The following PCDH15 variants were observed in gnomAD, a reference collection of about 807,000 sequenced individuals.
PCDH15 encodes the protein protocadherin-15.
Under a neutral mutation model 178.5 loss-of-function variants are expected in PCDH15, and 129 were observed. The ratio of observed to expected loss-of-function variants is 0.72; its 90% CI spans 0.63 to 0.84. The LOEUF is 0.84. PCDH15 is among the 40% of genes least tolerant of loss of function. The probability of loss-of-function intolerance (pLI) is 0.00; values close to 1 mark genes in which losing one functional copy is unlikely to be tolerated. For synonymous variants in PCDH15, 800 were observed against 732.0 expected, an observed-to-expected ratio of 1.09 and a Z score of -1.50; for missense variants, 2,230 against 2,099.9, an observed-to-expected ratio of 1.06 and a Z score of -1.21.
chr10:54,270,487 G>A (rs1564832158), intron 8 of PCDH15, among the ~76,000 whole-genome samples: 2 of 152,110 alleles, frequency 1.3e-5, no homozygotes, highest in African/African-American at 2.4e-5. Flanking sequence ...ATTGAAGGAA[G>A]GTATGGGTAA....
At chr10:55,457,687 G>A (rs1010642960) in intron 2 of PCDH15, among the ~76,000 whole-genome samples, 2 of 151,982 alleles carry the variant, frequency 1.3e-5, no homozygotes, top group African/African-American at 2.4e-5. Context: ...AGGGCCCGAC[G>A]GCTTCCTTTT....
chr10:55,570,297 T>C (rs1842384249), intron 2 of PCDH15, among the ~76,000 whole-genome samples: 1 of 152,028 alleles, frequency 6.6e-6, no homozygotes, highest in Non-Finnish European at 1.5e-5. Flanking sequence ...TGACAATTTT[T>C]ACAGAGAAAA....
chr10:54,032,757 C>T (rs2093327872), intron 18 of PCDH15, among the ~76,000 whole-genome samples: 1 of 152,014 alleles, frequency 6.6e-6, no homozygotes, highest in Non-Finnish European at 1.5e-5. Flanking sequence ...TTTCACAATG[C>T]TATAAATAAC....
chr10:55,162,203 G>C (rs1233140663), intron 2 of PCDH15, among the ~76,000 whole-genome samples: 1 of 152,086 alleles, frequency 6.6e-6, no homozygotes, highest in Non-Finnish European at 1.5e-5. Flanking sequence ...AGTTCCGTTA[G>C]ATGTAGAACT....
intron 2 of PCDH15, among the ~76,000 whole-genome samples, chr10:55,051,081 T>C (rs1841149570): frequency 1.3e-5 from 2 of 152,128 alleles, no homozygotes; most frequent in South Asian, 4.1e-4. Context: ...CTTACTTTGC[T>C]TGAAATCATC....
chr10:53,807,623 A>G (rs1320223376), intron 37 of PCDH15, among the ~76,000 whole-genome samples: 1 of 152,092 alleles, frequency 6.6e-6, no homozygotes, highest in Non-Finnish European at 1.5e-5. Context: ...CTTTTGTATA[A>G]TTTAATGCAT....
chr10:54,912,254 T>A (rs1954831156), intron 2 of PCDH15, among the ~76,000 whole-genome samples: 1 of 152,094 alleles, frequency 6.6e-6, no homozygotes, highest in Non-Finnish European at 1.5e-5. Flanking sequence ...TTTATATGGC[T>A]TTAGGAAGAT....
At chr10:55,542,586 T>C (rs936516325) in intron 2 of PCDH15, among the ~76,000 whole-genome samples, 1 of 149,682 alleles carries the variant, frequency 6.7e-6, no homozygotes, top group Non-Finnish European at 1.5e-5. Flanking sequence ...TATGTATGTG[T>C]CTATATAGGT....
intron 1 of PCDH15, among the ~76,000 whole-genome samples, chr10:54,666,993 C>T (rs1001905132): frequency 4.0e-5 from 6 of 151,868 alleles, no homozygotes; most frequent in African/African-American, 1.4e-4. Context: ...GAAACAAAAC[C>T]TCTTGATCTA....
chr10:54,653,830 A>G (rs7082763), intron 2 of PCDH15, among the ~76,000 whole-genome samples: 9,898 of 152,294 alleles, frequency 0.065, 389 homozygotes, highest in South Asian at 0.15. Flanking sequence ...AAATGTTTTA[A>G]CAGTTAGTCA....
chr10:55,022,148 A>G (rs2131955679), intron 2 of PCDH15, among the ~76,000 whole-genome samples: 1 of 152,162 alleles, frequency 6.6e-6, no homozygotes, highest in Admixed American at 6.5e-5. Flanking sequence ...TAATAATGAT[A>G]TATCGTATTA....
intron 2 of PCDH15, among the ~76,000 whole-genome samples, chr10:55,089,639 G>C (rs1270822300): frequency 4.0e-5 from 6 of 151,884 alleles, no homozygotes; most frequent in Non-Finnish European, 7.4e-5. Context: ...AAAGCAACTG[G>C]GATTCTGTTT....
chr10:55,153,944 T>A (rs1591947651), intron 2 of PCDH15, among the ~76,000 whole-genome samples: 1 of 152,286 alleles, frequency 6.6e-6, no homozygotes, highest in East Asian at 1.9e-4. Context: ...ATTTAAACAT[T>A]TACAAATTGG....
chr10:54,714,236 T>A (rs2095454144), intron 1 of PCDH15, among the ~76,000 whole-genome samples: 1 of 152,168 alleles, frequency 6.6e-6, no homozygotes, highest in African/African-American at 2.4e-5. Context: ...TGAAGTGAAC[T>A]GTCTATCGCA....
At position 53,945,566 on chromosome 10, in the gene PCDH15, C is replaced by T. The variant is rs190096582; in HGVS notation, c.3123-4591G>A. Reference sequence around the variant, plus strand: ...TGACAAATATCTCCCCAATCCTTCCCTTCCTACCCAGCCCCATGTAACCAT... The same window carrying T: ...TGACAAATATCTCCCCAATCCTTCCTTTCCTACCCAGCCCCATGTAACCAT... On this transcript the variant is annotated intron_variant, in intron 23 of 37. Coordinates refer to ENST00000644397, the MANE Select transcript of PCDH15 (RefSeq NM_001384140.1). 3.7e-3 allele frequency among the ~76,000 whole-genome samples: 568 copies of T among 151,974 alleles called. 1 individual carries two copies. Among genetic ancestry groups the T allele is most frequent in the Non-Finnish European group, 6.0e-3 (410 of 67,918 alleles).
intron 2 of PCDH15, among the ~76,000 whole-genome samples, chr10:55,085,993 T>C (rs887294441): frequency 1.3e-5 from 2 of 151,736 alleles, no homozygotes; most frequent in Admixed American, 1.3e-4. Flanking sequence ...GCCTTGTCTC[T>C]TAATATTCAA....
chr10:54,750,100 C>G (rs1304238582), intron 1 of PCDH15, among the ~76,000 whole-genome samples: 11 of 151,940 alleles, frequency 7.2e-5, no homozygotes, highest in Admixed American at 7.2e-4. Context: ...CTCTGTCTCT[C>G]TTTCTCTCTT....
At chr10:55,147,674 T>G in intron 2 of PCDH15, among the ~76,000 whole-genome samples, 1 of 150,226 alleles carries the variant, frequency 6.7e-6, no homozygotes. Flanking sequence ...ATTTTATTAT[T>G]ATTATACTTT....
chr10:54,931,952 C>T (rs528965091), intron 2 of PCDH15, among the ~76,000 whole-genome samples: 18 of 152,282 alleles, frequency 1.2e-4, no homozygotes, highest in African/African-American at 4.3e-4. Context: ...AAAGACCACT[C>T]TGCTTTCACA....
Sources: gnomAD v4.1 joint callset for allele counts (sites outside exome capture counted in the v4.1 genomes callset) on GRCh38, gnomAD v4.1.1 for gene constraint, MANE v1.5 for transcripts, NCBI Gene and HGNC (gene_info 2026-07-23, HGNC 2026-07-21) for gene names.